The following SH3PXD2A variants were observed in gnomAD, a reference collection of about 807,000 sequenced individuals.
SH3PXD2A encodes SH3 and PX domain-containing protein 2A.
Under a neutral mutation model 115.2 loss-of-function variants are expected in SH3PXD2A, and 32 were observed. The observed-to-expected ratio is 0.28, with a 90% CI of 0.21 to 0.37. The LOEUF is 0.37. Ranked by LOEUF, SH3PXD2A falls within the 10% of genes least tolerant of loss-of-function variation. SH3PXD2A has a pLI of 1.00. For missense variants in SH3PXD2A, 1,328 were observed against 1,498.7 expected (o/e 0.89, Z 1.88); for synonymous variants, 610 against 629.1 (o/e 0.97, Z 0.45).
intron 7 of SH3PXD2A, chr10:103,661,911 C>G (rs547667805): frequency 1.0e-6 from 1 of 985,340 alleles, no homozygotes; most frequent in Non-Finnish European, 1.2e-6. Flanking sequence ...AGCCCGCCCC[C>G]CGCCAACTTT....
chr10:103,696,523 T>A (rs2037826436), intron 5 of SH3PXD2A, among the ~76,000 whole-genome samples: 1 of 152,048 alleles, frequency 6.6e-6, no homozygotes, highest in South Asian at 2.1e-4. Context: ...CCTTCTCCAA[T>A]CCACACTCCG....
intron 2 of SH3PXD2A, among the ~76,000 whole-genome samples, chr10:103,781,613 T>G (rs907253028): frequency 6.6e-6 from 1 of 152,244 alleles, no homozygotes. Context: ...AAAATGTAGA[T>G]TCCTCCTGCG....
intron 1 of SH3PXD2A, among the ~76,000 whole-genome samples, chr10:103,845,289 C>T (rs145391254): frequency 0.044 from 6,439 of 146,186 alleles, 440 homozygotes; most frequent in African/African-American, 0.15. Flanking sequence ...CAAGATTGCG[C>T]CTCTGCACTC....
At chr10:103,672,359 T>C (rs1413554365) in intron 6 of SH3PXD2A, among the ~76,000 whole-genome samples, 3 of 152,272 alleles carry the variant, frequency 2.0e-5, no homozygotes, top group Non-Finnish European at 2.9e-5. Context: ...TGCTCTTGTC[T>C]GATGGCCTGC....
Position 103,667,724 on chromosome 10 carries a change from C to T in SH3PXD2A, c.472+884G>A, listed in dbSNP as rs1007863084. Among the ~76,000 whole-genome samples, 17 of 152,264 alleles carry T rather than the reference C, an allele frequency of 1.1e-4. No individual in the cohort carries two copies. In the East Asian group the frequency reaches 2.9e-3, roughly 26 times the overall value. ...CCACCCTTCTGCTTTGTCCCCTATTCCCCCAGCCTGAACCTCTGCTCTCAG... is the reference window on the plus strand; with the variant it reads ...CCACCCTTCTGCTTTGTCCCCTATTTCCCCAGCCTGAACCTCTGCTCTCAG... On this transcript the variant is annotated intron_variant, in intron 7 of 14. Transcript: ENST00000369774.
chr10:103,640,764 T>C (rs2036943861), intron 8 of SH3PXD2A, among the ~76,000 whole-genome samples: 1 of 152,102 alleles, frequency 6.6e-6, no homozygotes, highest in Non-Finnish European at 1.5e-5. Context: ...GAAGGGGCTC[T>C]GCACACTCAC....
intron 6 of SH3PXD2A, among the ~76,000 whole-genome samples, chr10:103,675,876 T>C (rs1004257828): frequency 6.6e-6 from 1 of 152,124 alleles, no homozygotes; most frequent in Admixed American, 6.5e-5. Context: ...ACCCCATCTC[T>C]ACTAAATATA....
At chr10:103,841,814 TG>T (rs2039601386) in intron 1 of SH3PXD2A, among the ~76,000 whole-genome samples, 2 of 152,122 alleles carry the variant, frequency 1.3e-5, no homozygotes, top group South Asian at 4.1e-4. Context: ...GGGCTGTCCT[TG>T]GCCACCCTCT....
chr10:103,725,846 T>TAAAATA (rs2038234641), intron 4 of SH3PXD2A, among the ~76,000 whole-genome samples: 1 of 150,022 alleles, frequency 6.7e-6, no homozygotes, highest in East Asian at 2.0e-4. Context: ...TATAAATAAA[T>TAAAATA]AAAATAAAAA....
At chr10:103,820,674 G>T (rs74628731) in intron 1 of SH3PXD2A, among the ~76,000 whole-genome samples, 1 of 152,118 alleles carries the variant, frequency 6.6e-6, no homozygotes, top group African/African-American at 2.4e-5. Context: ...TGCAGGGAAA[G>T]GCGTGAGCTA....
intron 5 of SH3PXD2A, among the ~76,000 whole-genome samples, chr10:103,701,903 A>G (rs1034856495): frequency 1.3e-5 from 2 of 149,772 alleles, no homozygotes; most frequent in Non-Finnish European, 3.0e-5. Flanking sequence ...TCCACCATCC[A>G]GCCATCTATC....
chr10:103,793,555 T>C (rs2039057612), intron 2 of SH3PXD2A, among the ~76,000 whole-genome samples: 1 of 152,256 alleles, frequency 6.6e-6, no homozygotes, highest in African/African-American at 2.4e-5. Context: ...TGTCTGTGCC[T>C]GCCTGGGACC....
chr10:103,660,476 C>T (rs1251523540), intron 8 of SH3PXD2A, among the ~76,000 whole-genome samples: 1 of 152,090 alleles, frequency 6.6e-6, no homozygotes, highest in East Asian at 1.9e-4. Flanking sequence ...AGGGGGCAGT[C>T]AGATCCCCAA....
intron 7 of SH3PXD2A, chr10:103,661,800 C>G: frequency 1.0e-6 from 1 of 985,222 alleles, no homozygotes; most frequent in Non-Finnish European, 1.2e-6. Flanking sequence ...TGAGACCCGT[C>G]GAATGAGGAG....
intron 1 of SH3PXD2A, among the ~76,000 whole-genome samples, chr10:103,805,289 G>A (rs535257667): frequency 6.6e-6 from 1 of 152,320 alleles, no homozygotes; most frequent in Non-Finnish European, 1.5e-5. Context: ...CGAGGAAAGG[G>A]CATGGCCAGG....
intron 5 of SH3PXD2A, among the ~76,000 whole-genome samples, chr10:103,717,108 C>T (rs923577213): frequency 1.3e-5 from 2 of 152,210 alleles, no homozygotes; most frequent in African/African-American, 4.8e-5. Context: ...CTGAGGCACA[C>T]AAGGGCCTTG....
chr10:103,661,369 G>C (rs998159572), intron 7 of SH3PXD2A, among the ~76,000 whole-genome samples: 12 of 152,262 alleles, frequency 7.9e-5, no homozygotes, highest in African/African-American at 2.9e-4. Flanking sequence ...ACGGGCAGGA[G>C]GAGGAGGAAA....
At chr10:103,796,965 C>T (rs1423014028) in intron 2 of SH3PXD2A, among the ~76,000 whole-genome samples, 1 of 150,528 alleles carries the variant, frequency 6.6e-6, no homozygotes, top group Non-Finnish European at 1.5e-5. Context: ...CGGCCTCAAG[C>T]AATTATCCCG....
intron 13 of SH3PXD2A, chr10:103,608,939 G>C (rs1025868376): frequency 6.6e-6 from 1 of 152,132 alleles, no homozygotes. Flanking sequence ...CCAGGAGTTT[G>C]AGATCAGCCT....
Sources: gnomAD v4.1 joint callset for allele counts (sites outside exome capture counted in the v4.1 genomes callset) on GRCh38, gnomAD v4.1.1 for gene constraint, MANE v1.5 for transcripts, NCBI Gene and HGNC (gene_info 2026-07-23, HGNC 2026-07-21) for gene names.